Variants in ALK observed in about 807,000 individuals in gnomAD.
The protein encoded by ALK is ALK receptor tyrosine kinase, also known as ALK tyrosine kinase receptor.
ALK carries 74 observed loss-of-function variants against 163.1 expected under a neutral mutation model. The ratio of observed to expected loss-of-function variants is 0.45; its 90% CI spans 0.38 to 0.55. The LOEUF is 0.55. ALK is among the 20% of genes least tolerant of loss of function. ALK has a pLI of 0.00. For synonymous variants in ALK, 960 were observed against 843.2 expected, an observed-to-expected ratio of 1.14 and a Z score of -2.40; for missense variants, 2,063 against 2,105.3, an observed-to-expected ratio of 0.98 and a Z score of 0.39.
intron 3 of ALK, among the ~76,000 whole-genome samples, chr2:29,567,754 G>A (rs929740663): frequency 2.0e-5 from 3 of 152,102 alleles, no homozygotes; most frequent in Non-Finnish European, 4.4e-5. Flanking sequence ...TAAAATGTAA[G>A]CTTTCTTCTG....
At chr2:29,657,648 CT>C (rs1309292292) in intron 3 of ALK, among the ~76,000 whole-genome samples, 22 of 152,126 alleles carry the variant, frequency 1.4e-4, no homozygotes, top group African/African-American at 5.1e-4. Flanking sequence ...AAAGTCACTT[CT>C]GAAAGAGACC....
At chr2:29,813,968 A>G (rs1664823443) in intron 1 of ALK, among the ~76,000 whole-genome samples, 1 of 152,220 alleles carries the variant, frequency 6.6e-6, no homozygotes, top group African/African-American at 2.4e-5. Flanking sequence ...TTTCAGTAAC[A>G]TCCGAGAGGC....
intron 3 of ALK, among the ~76,000 whole-genome samples, chr2:29,559,598 A>T (rs1202731641): frequency 6.6e-6 from 1 of 151,288 alleles, no homozygotes; most frequent in Non-Finnish European, 1.5e-5. Context: ...CCCATGAGAA[A>T]TGTGTTTCAA....
intron 4 of ALK, among the ~76,000 whole-genome samples, chr2:29,482,631 G>C (rs1017701167): frequency 6.6e-6 from 1 of 152,032 alleles, no homozygotes; most frequent in Non-Finnish European, 1.5e-5. Flanking sequence ...GTATCCTATG[G>C]GTCCTCAGCA....
At chr2:29,717,734 C>G (rs776973090) in intron 1 of ALK, 37 bp from the exon 2 acceptor site, 2 of 1,613,704 alleles carry the variant, frequency 1.2e-6, no homozygotes, top group Non-Finnish European at 1.7e-6. Context: ...GATCCATGTG[C>G]TTGGGGTGTG....
chr2:29,397,993 T>C (rs1354332443), intron 4 of ALK, among the ~76,000 whole-genome samples: 1 of 152,222 alleles, frequency 6.6e-6, no homozygotes, highest in African/African-American at 2.4e-5. Context: ...GCCAACGATA[T>C]GTTCACTTGG....
At chr2:29,675,434 G>A (rs1393379196) in intron 3 of ALK, among the ~76,000 whole-genome samples, 19 of 151,940 alleles carry the variant, frequency 1.3e-4, no homozygotes, top group Admixed American at 1.2e-3. Context: ...GATCCTGAGA[G>A]TTTCCCCTTA....
chr2:29,353,374 T>G (rs905845478), intron 5 of ALK, among the ~76,000 whole-genome samples: 1 of 152,248 alleles, frequency 6.6e-6, no homozygotes, highest in African/African-American at 2.4e-5. Flanking sequence ...TTTTTTTCAC[T>G]TTTTGTGTAT....
At chr2:29,532,181 G>T in intron 3 of ALK, 65 bp from the exon 4 acceptor site, 1 of 1,476,724 alleles carries the variant, frequency 6.8e-7, no homozygotes, top group Non-Finnish European at 9.4e-7. Context: ...TAGCTCTGTG[G>T]CAAGACTTAG....
chr2:29,275,989 A>G (rs1259275231), intron 9 of ALK, among the ~76,000 whole-genome samples: 1 of 152,164 alleles, frequency 6.6e-6, no homozygotes, highest in Non-Finnish European at 1.5e-5. Context: ...GTCATTATTA[A>G]AATATTAAAA....
chr2:29,652,294 C>A (rs1174369881), intron 3 of ALK, among the ~76,000 whole-genome samples: 2 of 151,946 alleles, frequency 1.3e-5, no homozygotes, highest in African/African-American at 4.8e-5. Context: ...GGGTCTGCTG[C>A]CCATAGTGAA....
chr2:29,210,223 A>G (rs1304114203), intron 24 of ALK, among the ~76,000 whole-genome samples: 10 of 152,202 alleles, frequency 6.6e-5, no homozygotes, highest in Admixed American at 6.5e-4. Flanking sequence ...ACCTTATAAG[A>G]CACAAGGTGC....
At chr2:29,504,126 G>A (rs1228020327) in intron 4 of ALK, among the ~76,000 whole-genome samples, 1 of 152,084 alleles carries the variant, frequency 6.6e-6, no homozygotes, top group African/African-American at 2.4e-5. Flanking sequence ...CTGAGGTGGT[G>A]GTTTTCCAGC....
chr2:29,552,721 T>G (rs955321087), intron 3 of ALK, among the ~76,000 whole-genome samples: 12 of 152,206 alleles, frequency 7.9e-5, no homozygotes, highest in African/African-American at 2.9e-4. Context: ...ATCTGTCACT[T>G]CTTGAATTAG....
chr2:29,494,190 C>T (rs1428755687), intron 4 of ALK, among the ~76,000 whole-genome samples: 2 of 152,106 alleles, frequency 1.3e-5, no homozygotes, highest in African/African-American at 4.8e-5. Flanking sequence ...GCCTGTCACC[C>T]AGAAGGTGCA....
rs17008543 is a variant in ALK, at chr2:29,728,563, T to C, written c.668-10866A>G. 3.8e-3 allele frequency among the ~76,000 whole-genome samples: 579 copies of C among 152,236 alleles called. 2 individuals are homozygous for C. Among genetic ancestry groups the C allele is most frequent in the African/African-American group, 0.013 (549 of 41,530 alleles). ...TGTGAAGGAGACAGACACAACCCTA[T>C]GAGAACGTATGATGAGGGATCTGAC... On this transcript the variant is annotated intron_variant, in intron 1 of 28. Transcript: ENST00000389048.
chr2:29,867,837 G>A (rs1257011183), intron 1 of ALK, among the ~76,000 whole-genome samples: 1 of 152,156 alleles, frequency 6.6e-6, no homozygotes, highest in Non-Finnish European at 1.5e-5. Flanking sequence ...TTGTTCTGAG[G>A]ATCAAGTCTC....
intron 9 of ALK, among the ~76,000 whole-genome samples, chr2:29,289,643 T>C: frequency 6.6e-6 from 1 of 152,140 alleles, no homozygotes; most frequent in East Asian, 1.9e-4. Context: ...GCAATTCAAC[T>C]CCCCTCGCGA....
chr2:29,746,665 A>C (rs1034593554), intron 1 of ALK, among the ~76,000 whole-genome samples: 2 of 152,188 alleles, frequency 1.3e-5, no homozygotes, highest in Non-Finnish European at 2.9e-5. Flanking sequence ...GAGAAACCTG[A>C]CATTTTCTGG....
Sources: gnomAD v4.1 joint callset for allele counts (sites outside exome capture counted in the v4.1 genomes callset) on GRCh38, gnomAD v4.1.1 for gene constraint, MANE v1.5 for transcripts, NCBI Gene and HGNC (gene_info 2026-07-23, HGNC 2026-07-21) for gene names.